Variants in DGKB observed in about 807,000 individuals in gnomAD.
The protein encoded by DGKB is diacylglycerol kinase beta.
Under a neutral mutation model 114.3 loss-of-function variants are expected in DGKB, and 67 were observed. The ratio of observed to expected loss-of-function variants is 0.59; its 90% confidence interval spans 0.48 to 0.72. DGKB has a LOEUF of 0.72. Among genes scored for constraint, DGKB ranks in the 30% least tolerant of loss-of-function variants. The pLI, the probability that DGKB is intolerant of heterozygous loss-of-function variation, is 0.00. For synonymous variants in DGKB, 398 were observed against 323.1 expected (o/e 1.23, Z -2.49); for missense variants, 907 against 975.2 (o/e 0.93, Z 0.93).
chr7:14,500,140 A>C (rs1785919650), intron 20 of DGKB, among the ~76,000 whole-genome samples: 1 of 151,872 alleles, frequency 6.6e-6, no homozygotes, highest in Non-Finnish European at 1.5e-5. Context: ...AAAACTTTTA[A>C]ATATTTTATT....
At chr7:14,415,617 T>C (rs889669487) in intron 21 of DGKB, among the ~76,000 whole-genome samples, 20 of 152,164 alleles carry the variant, frequency 1.3e-4, no homozygotes, top group African/African-American at 4.8e-4. Context: ...TTTTTATGGC[T>C]GCATAGTATT....
intron 20 of DGKB, among the ~76,000 whole-genome samples, chr7:14,535,378 G>GAAAAAAAAAAA (rs111762380): frequency 4.9e-5 from 6 of 123,582 alleles, no homozygotes; most frequent in African/African-American, 5.9e-5. Context: ...CTTAAAAAAA[G>GAAAAAAAAAAA]AAAAAAAAAA....
intron 21 of DGKB, among the ~76,000 whole-genome samples, chr7:14,401,963 T>TAC (rs68097407): frequency 0.01 from 1,551 of 148,408 alleles, 11 homozygotes; most frequent in African/African-American, 0.017. Context: ...CAATAATTTG[T>TAC]ACACACACAC....
chr7:14,918,716 C>T (rs746062342), intron 1 of DGKB, among the ~76,000 whole-genome samples: 2 of 152,020 alleles, frequency 1.3e-5, no homozygotes, highest in Admixed American at 6.6e-5. Flanking sequence ...GGAATCAATG[C>T]AATCCCAATC....
At chr7:14,919,159 T>C (rs1222395516) in intron 1 of DGKB, among the ~76,000 whole-genome samples, 1 of 143,952 alleles carries the variant, frequency 6.9e-6, no homozygotes, top group Non-Finnish European at 1.5e-5. Flanking sequence ...GACCCAGAAA[T>C]AGGTGACTCA....
intron 9 of DGKB, among the ~76,000 whole-genome samples, chr7:14,689,890 G>T (rs1338511021): frequency 6.6e-6 from 1 of 152,118 alleles, no homozygotes; most frequent in African/African-American, 2.4e-5. Context: ...TTTACTGAGA[G>T]TCAAGAAAAA....
intron 21 of DGKB, among the ~76,000 whole-genome samples, chr7:14,400,010 G>A (rs538462501): frequency 1.2e-4 from 18 of 151,782 alleles, no homozygotes; most frequent in Non-Finnish European, 2.5e-4. Flanking sequence ...TTTAAAAGAA[G>A]TTCTAAAGTA....
chr7:14,347,559 CA>C, intron 21 of DGKB, among the ~76,000 whole-genome samples: 2 of 151,740 alleles, frequency 1.3e-5, no homozygotes, highest in Middle Eastern at 3.4e-3. Flanking sequence ...TATGCAGAAT[CA>C]AAAAAAGTCA....
intron 2 of DGKB, among the ~76,000 whole-genome samples, chr7:14,830,221 C>T (rs1459868883): frequency 6.6e-6 from 1 of 152,020 alleles, no homozygotes; most frequent in East Asian, 1.9e-4. Context: ...GAGAGTTTTA[C>T]AGCAGTCATA....
intron 1 of DGKB, among the ~76,000 whole-genome samples, chr7:14,866,508 T>A (rs1851733785): frequency 6.6e-6 from 1 of 152,216 alleles, no homozygotes; most frequent in South Asian, 2.1e-4. Context: ...AGTATATAGC[T>A]GTTCACTTAG....
At chr7:14,943,499 T>C (rs1785688376) in intron 1 of DGKB, among the ~76,000 whole-genome samples, 1 of 151,978 alleles carries the variant, frequency 6.6e-6, no homozygotes, top group African/African-American at 2.4e-5. Flanking sequence ...GAAATTGTCC[T>C]CATTATTTTT....
intron 21 of DGKB, among the ~76,000 whole-genome samples, chr7:14,363,710 G>A (rs1816153201): frequency 6.6e-6 from 1 of 152,076 alleles, no homozygotes; most frequent in African/African-American, 2.4e-5. Flanking sequence ...GTTTCTTTGT[G>A]TATGTGCATT....
intron 13 of DGKB, among the ~76,000 whole-genome samples, chr7:14,656,990 C>T (rs1815964949): frequency 6.6e-6 from 1 of 151,622 alleles, no homozygotes; most frequent in African/African-American, 2.4e-5. Context: ...AGCACACAGC[C>T]AATCTGAGAC....
chr7:14,578,442 C>G (rs1222691939), intron 19 of DGKB, among the ~76,000 whole-genome samples: 10 of 152,188 alleles, frequency 6.6e-5, no homozygotes, highest in Non-Finnish European at 1.5e-5. Flanking sequence ...CTCAAAGTTA[C>G]ACACCTGTCA....
At chr7:14,253,779 A>C (rs1315360662) in intron 23 of DGKB, among the ~76,000 whole-genome samples, 1 of 152,192 alleles carries the variant, frequency 6.6e-6, no homozygotes, top group East Asian at 1.9e-4. Flanking sequence ...GTCAGACTGC[A>C]TCTATGGGGC....
At chr7:14,800,732 G>A (rs1842042694) in intron 2 of DGKB, among the ~76,000 whole-genome samples, 1 of 152,188 alleles carries the variant, frequency 6.6e-6, no homozygotes, top group African/African-American at 2.4e-5. Context: ...AGTTAAGACT[G>A]CCAGGCCACT....
rs115966211 is a variant in DGKB at position 14,254,058 on chromosome 7, C to T, written c.2123-75907G>A. On this transcript the variant is annotated intron_variant, in intron 23 of 25. Coordinates refer to ENST00000402815, the MANE Select transcript of DGKB (RefSeq NM_001350709.2). ...TTTTGCTGATACAAACTTGTGAAGACGAAGAGAAAGAAGGAGTGAGAGGTA... is the reference window on the plus strand; with the variant it reads ...TTTTGCTGATACAAACTTGTGAAGATGAAGAGAAAGAAGGAGTGAGAGGTA... Among the ~76,000 whole-genome samples the T allele has an allele frequency of 8.1e-3, 1,236 of 151,972 alleles. 14 individuals carry two copies. The highest frequency in any genetic ancestry group is 0.026 in the African/African-American group (1,065 of 41,422).
intron 22 of DGKB, among the ~76,000 whole-genome samples, chr7:14,341,191 T>G (rs1360550350): frequency 2.0e-5 from 3 of 151,820 alleles, no homozygotes; most frequent in Non-Finnish European, 4.4e-5. Flanking sequence ...ACATTGATGT[T>G]CCTTTGAGAG....
chr7:14,159,743 C>A (rs1346289872), intron 25 of DGKB, among the ~76,000 whole-genome samples: 2 of 152,172 alleles, frequency 1.3e-5, no homozygotes, highest in Non-Finnish European at 2.9e-5. Context: ...CATCTTGGCT[C>A]ATTGCAACCA....
Sources: gnomAD v4.1 joint callset for allele counts (sites outside exome capture counted in the v4.1 genomes callset) on GRCh38, gnomAD v4.1.1 for gene constraint, MANE v1.5 for transcripts, NCBI Gene and HGNC (gene_info 2026-07-23, HGNC 2026-07-21) for gene names.